Variants in SYT10 observed in about 807,000 individuals in gnomAD.
SYT10 encodes synaptotagmin-10.
In SYT10, 31 loss-of-function variants were observed where a neutral mutation model predicts 51.1. The ratio of observed to expected loss-of-function variants is 0.61; its 90% CI spans 0.46 to 0.82. SYT10 has a LOEUF of 0.82. Among genes scored for constraint, SYT10 ranks in the 40% least tolerant of loss-of-function variants. The pLI, the probability that SYT10 is intolerant of heterozygous loss-of-function variation, is 0.00. For synonymous variants in SYT10, 233 were observed against 225.9 expected (o/e 1.03, Z -0.28); for missense variants, 603 against 634.0 (o/e 0.95, Z 0.53).
In SYT10 at chr12:33,376,815, C is replaced by A. The variant is rs367651997; in HGVS notation, c.*15G>T. On this transcript the variant is annotated 3_prime_UTR_variant, in exon 7 of 7. Transcript: ENST00000228567. Reference sequence around the variant, plus strand: ...GATCCTAGATGCTTAATATCATGGTCTCATTTTGGAGGCATTATGGTGTGG... The same window carrying A: ...GATCCTAGATGCTTAATATCATGGTATCATTTTGGAGGCATTATGGTGTGG... The A allele has an allele frequency of 2.9e-5, 46 of 1,613,738 alleles. 1 individual carries two copies. In the African/African-American group the frequency reaches 5.3e-4, roughly 19 times the overall value.
intron 3 of SYT10, among the ~76,000 whole-genome samples, chr12:33,393,013 A>AAAAAAT (rs1446895607): frequency 2.7e-5 from 4 of 146,212 alleles, no homozygotes; most frequent in East Asian, 2.0e-4. Context: ...AAAAAAAAAA[A>AAAAAAT]ATTGCAAAAA....
At chr12:33,380,711 T>C (rs1565489906) in intron 5 of SYT10, among the ~76,000 whole-genome samples, 1 of 152,142 alleles carries the variant, frequency 6.6e-6, no homozygotes, top group Non-Finnish European at 1.5e-5. Flanking sequence ...ATAAACTAAA[T>C]GCCCAGAAGA....
At chr12:33,417,314 G>A (rs1445924897) in intron 2 of SYT10, among the ~76,000 whole-genome samples, 1 of 151,832 alleles carries the variant, frequency 6.6e-6, no homozygotes, top group Admixed American at 6.6e-5. Context: ...CGGGAGTGGA[G>A]CTGCTGGCTT....
intron 1 of SYT10, among the ~76,000 whole-genome samples, chr12:33,428,252 T>C (rs1368000060): frequency 6.6e-6 from 1 of 152,232 alleles, no homozygotes; most frequent in African/African-American, 2.4e-5. Flanking sequence ...CATGCATAAA[T>C]GCAACTTAAA....
At chr12:33,384,524 T>C (rs953198656) in intron 4 of SYT10, among the ~76,000 whole-genome samples, 37 of 152,168 alleles carry the variant, frequency 2.4e-4, no homozygotes, top group African/African-American at 8.7e-4. Flanking sequence ...GTGCCAGTGT[T>C]TATGTATTAA....
intron 3 of SYT10, among the ~76,000 whole-genome samples, chr12:33,403,459 T>C (rs1043406104): frequency 6.6e-6 from 1 of 152,112 alleles, no homozygotes; most frequent in African/African-American, 2.4e-5. Flanking sequence ...GGTCTCAAAA[T>C]CCTGACCTCA....
chr12:33,434,986 TC>T, intron 1 of SYT10, among the ~76,000 whole-genome samples: 1 of 152,298 alleles, frequency 6.6e-6, no homozygotes, highest in East Asian at 1.9e-4. Flanking sequence ...AATCACATGT[TC>T]AAAATAGAAA....
intron 2 of SYT10, among the ~76,000 whole-genome samples, chr12:33,422,995 C>A (rs1000358293): frequency 4.6e-5 from 7 of 152,118 alleles, no homozygotes. Flanking sequence ...AATAAACAAT[C>A]AATCAAGATG....
intron 3 of SYT10, among the ~76,000 whole-genome samples, chr12:33,392,239 T>C (rs1476783527): frequency 2.0e-5 from 3 of 152,220 alleles, no homozygotes; most frequent in Non-Finnish European, 4.4e-5. Flanking sequence ...GTCTGTAAAT[T>C]GCTCTTTTTC....
intron 2 of SYT10, among the ~76,000 whole-genome samples, chr12:33,420,245 G>A (rs952171438): frequency 2.6e-5 from 4 of 152,098 alleles, no homozygotes; most frequent in Non-Finnish European, 5.9e-5. Context: ...CTTTATTATG[G>A]CAGAGAGTAT....
chr12:33,403,817 G>C (rs1447874457), intron 3 of SYT10, among the ~76,000 whole-genome samples: 1 of 151,760 alleles, frequency 6.6e-6, no homozygotes, highest in African/African-American at 2.4e-5. Flanking sequence ...CTAATAAGAA[G>C]ATGTAACATT....
At chr12:33,434,992 T>C (rs200259841) in intron 1 of SYT10, among the ~76,000 whole-genome samples, 2 of 152,168 alleles carry the variant, frequency 1.3e-5, no homozygotes, top group East Asian at 1.9e-4. Context: ...ATGTTCAAAA[T>C]AGAAATGATT....
At chr12:33,381,105 A>G (rs1866110659) in intron 5 of SYT10, among the ~76,000 whole-genome samples, 1 of 152,178 alleles carries the variant, frequency 6.6e-6, no homozygotes, top group African/African-American at 2.4e-5. Flanking sequence ...TGAGAAATCA[A>G]TAGGGGTAAT....
chr12:33,433,624 C>T (rs1343575422), intron 1 of SYT10, among the ~76,000 whole-genome samples: 1 of 152,126 alleles, frequency 6.6e-6, no homozygotes, highest in Admixed American at 6.5e-5. Context: ...TAAACACCTA[C>T]TCGTGTACAC....
intron 1 of SYT10, among the ~76,000 whole-genome samples, chr12:33,437,175 C>T (rs1252746938): frequency 6.6e-6 from 1 of 152,168 alleles, no homozygotes; most frequent in Non-Finnish European, 1.5e-5. Flanking sequence ...GTATAGCAAT[C>T]TTGTCTTTAT....
intron 3 of SYT10, among the ~76,000 whole-genome samples, chr12:33,390,905 G>A (rs1353115318): frequency 6.6e-6 from 1 of 152,070 alleles, no homozygotes; most frequent in Non-Finnish European, 1.5e-5. Context: ...ACACAGGTCT[G>A]CATAATGTTA....
At chr12:33,383,133 A>G (rs1866130026) in intron 4 of SYT10, among the ~76,000 whole-genome samples, 1 of 152,194 alleles carries the variant, frequency 6.6e-6, no homozygotes, top group Non-Finnish European at 1.5e-5. Flanking sequence ...CTTAAATTGT[A>G]AAACTGCTAT....
At chr12:33,421,721 A>G (rs777372650) in intron 2 of SYT10, among the ~76,000 whole-genome samples, 22 of 152,174 alleles carry the variant, frequency 1.4e-4, no homozygotes, top group Non-Finnish European at 2.2e-4. Context: ...AAACAGCTGG[A>G]GCTCAATATT....
intron 2 of SYT10, among the ~76,000 whole-genome samples, chr12:33,419,068 C>T (rs1458335472): frequency 6.6e-6 from 1 of 152,056 alleles, no homozygotes; most frequent in East Asian, 1.9e-4. Flanking sequence ...ACATAAAAAG[C>T]CCTCCCAGAC....
Sources: allele counts gnomAD v4.1 joint callset (sites outside exome capture counted in the v4.1 genomes callset), GRCh38; gene constraint gnomAD v4.1.1; transcripts MANE v1.5; gene names NCBI Gene and HGNC (gene_info 2026-07-23, HGNC 2026-07-21).